The following RGPD2 variants were observed in gnomAD, a reference collection of about 807,000 sequenced individuals.
RGPD2 encodes RANBP2 like and GRIP domain containing 2, also known as RANBP2-like and GRIP domain-containing protein 2.
A neutral mutation model predicts 36.0 loss-of-function variants in RGPD2; 2 were observed. The observed-to-expected ratio is 0.06, with a 90% CI of 0.02 to 0.17. The LOEUF (loss-of-function observed/expected upper bound fraction) is 0.17. Among genes scored for constraint, RGPD2 ranks in the 10% least tolerant of loss-of-function variants. The pLI, the probability that RGPD2 is intolerant of heterozygous loss-of-function variation, is 1.00. For synonymous variants in RGPD2, 19 were observed against 163.8 expected (o/e 0.12, Z 6.75); for missense variants, 40 against 464.3 (o/e 0.09, Z 8.40).
chr2:87,837,157 T>C, the RGPD2 span, among the ~76,000 whole-genome samples: 1 of 150,532 alleles, frequency 6.6e-6, no homozygotes, highest in African/African-American at 2.4e-5. Flanking sequence ...GTAAAGGAAT[T>C]AGACAAATCA....
the RGPD2 span, among the ~76,000 whole-genome samples, chr2:87,961,289 G>A: frequency 6.6e-6 from 1 of 152,162 alleles, no homozygotes; most frequent in Non-Finnish European, 1.5e-5. Context: ...AGCCACTGAC[G>A]TAGCCGGCGG....
the RGPD2 span, among the ~76,000 whole-genome samples, chr2:87,966,238 C>T: frequency 6.6e-6 from 1 of 152,156 alleles, no homozygotes; most frequent in African/African-American, 2.4e-5. Flanking sequence ...CACTGCATAG[C>T]TGTTATTTCA....
chr2:87,849,394 T>G, the RGPD2 span, among the ~76,000 whole-genome samples: 1 of 152,172 alleles, frequency 6.6e-6, no homozygotes, highest in Admixed American at 6.5e-5. Context: ...TAGCATACAA[T>G]TACTAGTATA....
At chr2:87,948,024 C>G in the RGPD2 span, among the ~76,000 whole-genome samples, 11 of 152,124 alleles carry the variant, frequency 7.2e-5, no homozygotes, top group Admixed American at 7.2e-4. Context: ...CATCACTCGC[C>G]GCGGTCCGCC....
intron 18 of RGPD2, among the ~76,000 whole-genome samples, 178 bp from the exon 19 acceptor site, chr2:87,785,347 G>GA (rs1349116287): frequency 9.4e-6 from 1 of 105,948 alleles, no homozygotes; most frequent in African/African-American, 3.4e-5. Flanking sequence ...TGACAAACTA[G>GA]AAAAAAATTG....
chr2:87,818,020 T>TA (rs1175812254), intron 2 of RGPD2, among the ~76,000 whole-genome samples: 12,539 of 65,264 alleles, frequency 0.19, 1,510 homozygotes, highest in East Asian at 0.83. Context: ...AGATACTGAC[T>TA]AAAAAAAAAA....
chr2:87,973,817 G>A, the RGPD2 span, among the ~76,000 whole-genome samples: 6 of 149,470 alleles, frequency 4.0e-5, no homozygotes, highest in South Asian at 2.2e-4. Context: ...TAGAAAGGGC[G>A]CCTAATAATA....
At chr2:87,988,543 T>TATATATATATATATATA in the RGPD2 span, among the ~76,000 whole-genome samples, 66 of 27,770 alleles carry the variant, frequency 2.4e-3, no homozygotes, top group South Asian at 0.025. Context: ...ATATATATAT[T>TATATATATATATATATA]TTTTTTTTTT....
At chr2:87,902,549 T>C in the RGPD2 span, among the ~76,000 whole-genome samples, 1 of 146,786 alleles carries the variant, frequency 6.8e-6, no homozygotes, top group Admixed American at 6.8e-5. Flanking sequence ...AAAATGTAGA[T>C]ATGAAGTTTA....
At chr2:87,829,601 A>T (rs1686920727), upstream of RGPD2, among the ~76,000 whole-genome samples, 1 of 151,494 alleles carries the variant, frequency 6.6e-6, no homozygotes, top group Non-Finnish European at 1.5e-5. Context: ...AAGTCTTAGA[A>T]GGCAGCAGGC....
the RGPD2 span, among the ~76,000 whole-genome samples, chr2:87,941,122 GA>G: frequency 9.2e-5 from 14 of 151,618 alleles, no homozygotes; most frequent in Middle Eastern, 6.8e-3. Context: ...ATATGAGGGG[GA>G]AAGTATAAAT....
At chr2:87,964,566 C>T in the RGPD2 span, among the ~76,000 whole-genome samples, 2 of 152,218 alleles carry the variant, frequency 1.3e-5, no homozygotes, top group Admixed American at 6.5e-5. Flanking sequence ...CAGAGTCTCA[C>T]ACTGCCGCCC....
Position 87,812,830 on chromosome 2 carries a change from ATTTT to A in RGPD2, c.403-628_403-625del, listed in dbSNP as rs952068019. ...AGGCATGCACCACCATGCCCGGCTAATTTTTTTTTAACGTTCTGTAGAGATGGGG... is the reference window on the plus strand; with the variant it reads ...AGGCATGCACCACCATGCCCGGCTAATTTTTAACGTTCTGTAGAGATGGGG... On this transcript the variant is annotated intron_variant, in intron 4 of 22. Transcript: ENST00000398146. Among the ~76,000 whole-genome samples, 13 of 147,184 alleles carry A rather than the reference ATTTT, an allele frequency of 8.8e-5. No homozygotes were observed. The South Asian group carries it at 2.0e-3, about 22-fold the overall frequency.
At chr2:87,864,556 T>C in the RGPD2 span, among the ~76,000 whole-genome samples, 7 of 152,162 alleles carry the variant, frequency 4.6e-5, no homozygotes, top group Non-Finnish European at 1.0e-4. Flanking sequence ...ACAAATCTTA[T>C]ATAGCTAGAC....
the RGPD2 span, among the ~76,000 whole-genome samples, chr2:87,957,256 G>T: frequency 7.0e-6 from 1 of 142,148 alleles, no homozygotes; most frequent in Admixed American, 7.0e-5. Flanking sequence ...CTCTCATTAT[G>T]AGATTTATAA....
chr2:87,841,580 G>A, the RGPD2 span, among the ~76,000 whole-genome samples: 276 of 151,842 alleles, frequency 1.8e-3, 6 homozygotes, highest in South Asian at 0.015. Context: ...TTTAGTCTTG[G>A]GAGGGTGTAT....
the RGPD2 span, among the ~76,000 whole-genome samples, chr2:87,921,546 T>C: frequency 6.6e-6 from 1 of 152,202 alleles, no homozygotes; most frequent in African/African-American, 2.4e-5. Flanking sequence ...CTTTGTTCTT[T>C]CCATAATATC....
At chr2:87,855,377 A>G in the RGPD2 span, among the ~76,000 whole-genome samples, 5,867 of 146,454 alleles carry the variant, frequency 0.04, no homozygotes, top group East Asian at 0.078. Flanking sequence ...GTTGCTCTAA[A>G]TCCTTGTGTT....
At chr2:87,763,379 G>A (rs1487434576) in intron 22 of RGPD2, among the ~76,000 whole-genome samples, 23 of 147,548 alleles carry the variant, frequency 1.6e-4, no homozygotes, top group Admixed American at 6.8e-5. Context: ...GGATGGTCTC[G>A]GTCTCCTGAC....
Sources: allele counts gnomAD v4.1 joint callset (sites outside exome capture counted in the v4.1 genomes callset), GRCh38; gene constraint gnomAD v4.1.1; transcripts MANE v1.5; gene names NCBI Gene and HGNC (gene_info 2026-07-23, HGNC 2026-07-21).